Variants in AKAIN1 observed in about 807,000 individuals in gnomAD.
The protein encoded by AKAIN1 is A-kinase anchor protein inhibitor 1.
Under a neutral mutation model 3.7 loss-of-function variants are expected in AKAIN1, and 3 were observed. The ratio of observed to expected loss-of-function variants is 0.82; its 90% CI spans 0.37 to 2.12. The LOEUF is 2.12. Among genes scored for constraint, AKAIN1 ranks in the 30% most tolerant of loss-of-function variants. AKAIN1 has a pLI of 0.06. For synonymous variants in AKAIN1, 31 were observed against 30.8 expected (o/e 1.01, Z -0.02); for missense variants, 82 against 82.7 (o/e 0.99, Z 0.03).
intron 1 of AKAIN1, among the ~76,000 whole-genome samples, chr18:5,187,462 C>G (rs528971882): frequency 2.0e-5 from 3 of 152,166 alleles, no homozygotes; most frequent in African/African-American, 7.2e-5. Context: ...AATCATGGCA[C>G]TGGCATCTGG....
At chr18:5,192,226 T>C (rs1232711209) in intron 1 of AKAIN1, among the ~76,000 whole-genome samples, 1 of 152,142 alleles carries the variant, frequency 6.6e-6, no homozygotes, top group African/African-American at 2.4e-5. Context: ...CTCATAAATA[T>C]AGTCAATTAG....
chr18:5,194,173 T>C (rs10853329), intron 1 of AKAIN1, among the ~76,000 whole-genome samples: 93,569 of 151,970 alleles, frequency 0.62, 29,632 homozygotes, highest in South Asian at 0.72. Context: ...ATAGTTCCTT[T>C]AGACAGAAGC....
intron 1 of AKAIN1, among the ~76,000 whole-genome samples, chr18:5,176,587 C>A (rs186079132): frequency 4.6e-5 from 7 of 152,162 alleles, no homozygotes; most frequent in African/African-American, 1.7e-4. Flanking sequence ...CATTTAAGAT[C>A]ATTTCCTGAA....
chr18:5,185,613 C>A (rs572082126), intron 1 of AKAIN1, among the ~76,000 whole-genome samples: 16 of 152,188 alleles, frequency 1.1e-4, no homozygotes, highest in Non-Finnish European at 1.0e-4. Flanking sequence ...CATCACTAAT[C>A]ACTAGAGAAA....
At chr18:5,173,429 T>C (rs2071208857) in intron 1 of AKAIN1, among the ~76,000 whole-genome samples, 1 of 152,194 alleles carries the variant, frequency 6.6e-6, no homozygotes, top group Non-Finnish European at 1.5e-5. Flanking sequence ...CTGGCAGCTC[T>C]ACTGGGAGCC....
intron 1 of AKAIN1, among the ~76,000 whole-genome samples, chr18:5,154,163 G>A (rs766469286): frequency 1.3e-5 from 2 of 151,950 alleles, no homozygotes; most frequent in Non-Finnish European, 2.9e-5. Context: ...TTTCTTAAAC[G>A]GGACACAAAA....
rs193197153 is a variant in AKAIN1, at chr18:5,174,370, T to A, written c.16+22668A>T. On this transcript the variant is annotated intron_variant, in intron 1 of 1. Coordinates refer to ENST00000434239, the MANE Select transcript of AKAIN1 (RefSeq NM_001145194.2). The stretch of plus-strand genomic sequence containing the variant: ...TAGAAAGCTAGGCCACCTTGTCTGG[T>A]CTTATCAGCAAATTGATGGCAAAGA... Among the ~76,000 whole-genome samples, 399 of 152,266 alleles carry A rather than the reference T, an allele frequency of 2.6e-3. 1 individual carries two copies. Among genetic ancestry groups the A allele is most frequent in the Non-Finnish European group, 4.5e-3 (308 of 68,012 alleles).
rs7229988 is a variant in AKAIN1, at chr18:5,173,353, C to G, written c.16+23685G>C. Among the ~76,000 whole-genome samples the G allele has an allele frequency of 7.1e-3, 1,081 of 152,264 alleles. 5 individuals carry two copies. Among genetic ancestry groups the G allele is most frequent in the Middle Eastern group, 0.02 (6 of 294 alleles). On this transcript the variant is annotated intron_variant, in intron 1 of 1. Coordinates refer to ENST00000434239, the MANE Select transcript of AKAIN1 (RefSeq NM_001145194.2). ...TTTTCCAAATCATTGATTCAAGAAA[C>G]TGACATTTTCCCCATGTCCAAAAAG... is the stretch of plus-strand genomic sequence containing the variant.
At chr18:5,167,960 T>A (rs1598309733) in intron 1 of AKAIN1, among the ~76,000 whole-genome samples, 1 of 152,086 alleles carries the variant, frequency 6.6e-6, no homozygotes, top group Admixed American at 6.6e-5. Flanking sequence ...CCTTATGAAA[T>A]AATCTTGTTT....
intron 1 of AKAIN1, among the ~76,000 whole-genome samples, chr18:5,189,392 T>C (rs1318427186): frequency 6.6e-6 from 1 of 152,192 alleles, no homozygotes; most frequent in African/African-American, 2.4e-5. Flanking sequence ...ACTTTTTCAC[T>C]CTTTATATAG....
At chr18:5,186,206 T>C (rs9952857) in intron 1 of AKAIN1, among the ~76,000 whole-genome samples, 47,347 of 151,680 alleles carry the variant, frequency 0.31, 7,417 homozygotes, top group East Asian at 0.35. Context: ...GAACAACAGA[T>C]ACCAGGGCCT....
chr18:5,157,738 C>G (rs1188540799), intron 1 of AKAIN1, among the ~76,000 whole-genome samples: 1 of 152,146 alleles, frequency 6.6e-6, no homozygotes, highest in Non-Finnish European at 1.5e-5. Flanking sequence ...GTGCCTTACT[C>G]TGTCACCGAG....
chr18:5,159,377 C>T (rs557993490), intron 1 of AKAIN1: 8 of 151,502 alleles, frequency 5.3e-5, no homozygotes, highest in Non-Finnish European at 8.8e-5. Flanking sequence ...GGTCTGAGAA[C>T]CAGAAATGAA....
chr18:5,161,090 T>C (rs1019110188), intron 1 of AKAIN1, among the ~76,000 whole-genome samples: 1 of 152,218 alleles, frequency 6.6e-6, no homozygotes, highest in South Asian at 2.1e-4. Context: ...TTTAAAAACC[T>C]GTTGGGATTT....
intron 1 of AKAIN1, among the ~76,000 whole-genome samples, chr18:5,178,977 A>G (rs1276067537): frequency 6.6e-6 from 1 of 152,142 alleles, no homozygotes; most frequent in Non-Finnish European, 1.5e-5. Flanking sequence ...TTCCCTTCGT[A>G]TTATTTAATA....
intron 1 of AKAIN1, among the ~76,000 whole-genome samples, chr18:5,157,541 G>A (rs1023398030): frequency 6.6e-6 from 1 of 152,100 alleles, no homozygotes; most frequent in East Asian, 1.9e-4. Context: ...TGTCTTTTAT[G>A]CAGCCTCACG....
intron 1 of AKAIN1, among the ~76,000 whole-genome samples, chr18:5,169,924 C>A: frequency 6.6e-6 from 1 of 152,154 alleles, no homozygotes. Context: ...TCTTCACCTG[C>A]AGCCTTTCAG....
At chr18:5,183,188 T>C (rs1462004768) in intron 1 of AKAIN1, among the ~76,000 whole-genome samples, 3 of 151,918 alleles carry the variant, frequency 2.0e-5, no homozygotes, top group African/African-American at 7.2e-5. Context: ...TTAAAAATGA[T>C]ACATAAAAGA....
chr18:5,166,828 T>A (rs906874324), intron 1 of AKAIN1, among the ~76,000 whole-genome samples: 2 of 152,100 alleles, frequency 1.3e-5, no homozygotes, highest in African/African-American at 4.8e-5. Flanking sequence ...CATGTGAGCA[T>A]CTGTTTCCTC....
Sources: allele counts gnomAD v4.1 joint callset (sites outside exome capture counted in the v4.1 genomes callset), GRCh38; gene constraint gnomAD v4.1.1; transcripts MANE v1.5; gene names NCBI Gene and HGNC (gene_info 2026-07-23, HGNC 2026-07-21).